The following CREB5 variants were observed in gnomAD, a reference collection of about 807,000 sequenced individuals.
The protein encoded by CREB5 is cyclic AMP-responsive element-binding protein 5.
Under a neutral mutation model 57.1 loss-of-function variants are expected in CREB5, and 19 were observed. The ratio of observed to expected loss-of-function variants is 0.33; its 90% confidence interval spans 0.23 to 0.49. The LOEUF is 0.49. Among genes scored for constraint, CREB5 ranks in the 20% least tolerant of loss-of-function variants. CREB5 has a pLI of 0.99. For missense variants in CREB5, 579 were observed against 671.6 expected (o/e 0.86, Z 1.52); for synonymous variants, 238 against 238.3 (o/e 1.00, Z 0.01).
At chr7:28,585,965 GCATAACCTCC>G (rs1319713548) in intron 5 of CREB5, among the ~76,000 whole-genome samples, 3 of 152,168 alleles carry the variant, frequency 2.0e-5, no homozygotes, top group African/African-American at 4.8e-5. Flanking sequence ...CCCTTTGGCT[GCATAACCTCC>G]CTATTTGTTT....
chr7:28,537,539 G>T (rs1794014821), intron 4 of CREB5, among the ~76,000 whole-genome samples: 1 of 152,184 alleles, frequency 6.6e-6, no homozygotes, highest in African/African-American at 2.4e-5. Context: ...ACTGGATGGA[G>T]TTGAATCATA....
At chr7:28,370,527 A>T (rs1367262977) in intron 1 of CREB5, among the ~76,000 whole-genome samples, 1 of 152,238 alleles carries the variant, frequency 6.6e-6, no homozygotes, top group Non-Finnish European at 1.5e-5. Context: ...CTCTTTAAAT[A>T]TGTAGAAATA....
intron 5 of CREB5, among the ~76,000 whole-genome samples, chr7:28,645,964 T>C (rs924533474): frequency 4.6e-5 from 7 of 152,284 alleles, no homozygotes; most frequent in Non-Finnish European, 8.8e-5. Context: ...GAGGCACCCA[T>C]CTTCTCCTGC....
chr7:28,574,224 T>A (rs1039179565), intron 5 of CREB5, among the ~76,000 whole-genome samples: 28 of 152,160 alleles, frequency 1.8e-4, no homozygotes, highest in African/African-American at 6.8e-4. Flanking sequence ...AAAACAAGCA[T>A]GTATTAAATA....
intron 7 of CREB5, among the ~76,000 whole-genome samples, chr7:28,741,235 G>T (rs1804319495): frequency 6.6e-6 from 1 of 152,130 alleles, no homozygotes; most frequent in Non-Finnish European, 1.5e-5. Context: ...TCAAAACACA[G>T]TTTTCCTCAC....
intron 5 of CREB5, among the ~76,000 whole-genome samples, chr7:28,578,253 A>T (rs1795980483): frequency 6.6e-6 from 1 of 152,252 alleles, no homozygotes; most frequent in Non-Finnish European, 1.5e-5. Flanking sequence ...TGTACTTGTC[A>T]TAGTTCCTAC....
chr7:28,538,182 T>C (rs1356835516), intron 4 of CREB5, among the ~76,000 whole-genome samples: 1 of 152,160 alleles, frequency 6.6e-6, no homozygotes, highest in Non-Finnish European at 1.5e-5. Flanking sequence ...GCCTCCCAAG[T>C]GGCTGGGATT....
intron 4 of CREB5, among the ~76,000 whole-genome samples, chr7:28,524,495 C>T (rs1793351590): frequency 6.6e-6 from 1 of 152,048 alleles, no homozygotes; most frequent in Non-Finnish European, 1.5e-5. Context: ...GAGCGAGACT[C>T]TGTCTCAAAG....
At chr7:28,546,435 ACT>A (rs1794427794) in intron 4 of CREB5, among the ~76,000 whole-genome samples, 4 of 152,072 alleles carry the variant, frequency 2.6e-5, no homozygotes, top group African/African-American at 7.2e-5. Flanking sequence ...TCATGTGGTA[ACT>A]CTATGTTTAG....
chr7:28,723,505 A>G (rs1346489339), intron 6 of CREB5, among the ~76,000 whole-genome samples: 1 of 152,156 alleles, frequency 6.6e-6, no homozygotes, highest in African/African-American at 2.4e-5. Context: ...CGCTTTCTTC[A>G]CCTACCCAAA....
At chr7:28,760,553 G>T (rs1191070332) in intron 7 of CREB5, among the ~76,000 whole-genome samples, 1 of 152,150 alleles carries the variant, frequency 6.6e-6, no homozygotes, top group Non-Finnish European at 1.5e-5. Context: ...ATTATCATTT[G>T]TGGCTGTCTC....
intron 1 of CREB5, among the ~76,000 whole-genome samples, chr7:28,460,161 G>A (rs1307821732): frequency 6.6e-6 from 1 of 152,106 alleles, no homozygotes; most frequent in African/African-American, 2.4e-5. Flanking sequence ...TTTTGAAAAG[G>A]ATTACATATT....
chr7:28,642,375 C>A (rs962930811), intron 5 of CREB5, among the ~76,000 whole-genome samples: 1 of 152,308 alleles, frequency 6.6e-6, no homozygotes, highest in East Asian at 1.9e-4. Flanking sequence ...CGCCCTCACC[C>A]TTCTCCCAGT....
chr7:28,494,071 A>G (rs979991054), intron 2 of CREB5, among the ~76,000 whole-genome samples: 2 of 152,180 alleles, frequency 1.3e-5, no homozygotes, highest in African/African-American at 4.8e-5. Context: ...ATTTTTGGTT[A>G]ATCCATAGAT....
intron 5 of CREB5, among the ~76,000 whole-genome samples, chr7:28,629,610 C>T (rs781501629): frequency 6.6e-6 from 1 of 152,132 alleles, no homozygotes; most frequent in Non-Finnish European, 1.5e-5. Flanking sequence ...AGGAAGGGCC[C>T]CTTTAAACAC....
At chr7:28,571,359 T>C (rs1795696222) in intron 5 of CREB5, among the ~76,000 whole-genome samples, 1 of 152,200 alleles carries the variant, frequency 6.6e-6, no homozygotes, top group African/African-American at 2.4e-5. Flanking sequence ...TCTTCCCTGC[T>C]TCTCCTTCTT....
At chr7:28,694,658 C>T (rs996769632) in intron 5 of CREB5, among the ~76,000 whole-genome samples, 10 of 152,224 alleles carry the variant, frequency 6.6e-5, no homozygotes, top group Admixed American at 3.3e-4. Flanking sequence ...GTCTTCCTGC[C>T]TCAGCCTCCT....
intron 4 of CREB5, among the ~76,000 whole-genome samples, 153 bp downstream of exon 4, chr7:28,507,890 C>G (rs1290867265): frequency 1.3e-5 from 2 of 152,144 alleles, no homozygotes; most frequent in East Asian, 3.9e-4. Context: ...AAAGATTACT[C>G]CTTGATTATG....
At chr7:28,741,158 A>T (rs1804309719) in intron 7 of CREB5, among the ~76,000 whole-genome samples, 1 of 152,148 alleles carries the variant, frequency 6.6e-6, no homozygotes. Flanking sequence ...TTCCATTAAA[A>T]ACAGGCCTCC....
Sources: allele counts gnomAD v4.1 joint callset (sites outside exome capture counted in the v4.1 genomes callset), GRCh38; gene constraint gnomAD v4.1.1; transcripts MANE v1.5; gene names NCBI Gene and HGNC (gene_info 2026-07-23, HGNC 2026-07-21).